ADCYAP1R1: variants seen among roughly 807,000 people sequenced by gnomAD.
ADCYAP1R1 encodes the protein ADCYAP receptor type I, also known as pituitary adenylate cyclase-activating polypeptide type I receptor.
ADCYAP1R1 carries 44 observed loss-of-function variants against 67.6 expected under a neutral mutation model. The ratio of observed to expected loss-of-function variants is 0.65; its 90% CI spans 0.51 to 0.84. The LOEUF (loss-of-function observed/expected upper bound fraction) is 0.84. Among genes scored for constraint, ADCYAP1R1 ranks in the 40% least tolerant of loss-of-function variants. The probability of loss-of-function intolerance (pLI) is 0.00; values close to 1 mark genes in which losing one functional copy is unlikely to be tolerated. For missense variants in ADCYAP1R1, 477 were observed against 587.9 expected (o/e 0.81, Z 1.95); for synonymous variants, 222 against 219.6 (o/e 1.01, Z -0.10).
At chr7:31,082,174 G>A (rs1358091547) in intron 6 of ADCYAP1R1, among the ~76,000 whole-genome samples, 4 of 152,152 alleles carry the variant, frequency 2.6e-5, no homozygotes, top group African/African-American at 4.8e-5. Context: ...TGCTTGTCTC[G>A]CCAGTCTCCC....
chr7:31,064,989 T>A (rs1794676449), intron 3 of ADCYAP1R1, 53 bp downstream of exon 3: 1 of 1,393,430 alleles, frequency 7.2e-7, no homozygotes, highest in African/African-American at 1.4e-5. Context: ...CTTTTAGAAC[T>A]GTTTTCCTGT....
intron 13 of ADCYAP1R1, 101 bp downstream of exon 13, chr7:31,092,836 A>T: frequency 1.3e-6 from 1 of 774,454 alleles, no homozygotes. Context: ...TGATAGGGTG[A>T]CCTAGCATCA....
intron 13 of ADCYAP1R1, chr7:31,100,306 C>A: frequency 3.3e-6 from 4 of 1,226,626 alleles, no homozygotes; most frequent in Non-Finnish European, 4.6e-6. Context: ...GAGAGCCAGC[C>A]TCTGCCTCCC....
chr7:31,079,409 G>A (rs1467425423), intron 4 of ADCYAP1R1, among the ~76,000 whole-genome samples: 1 of 152,188 alleles, frequency 6.6e-6, no homozygotes, highest in Non-Finnish European at 1.5e-5. Flanking sequence ...GGTATCAGAG[G>A]GATCTGAGTT....
In ADCYAP1R1 at chr7:31,106,360, C is replaced by A. The variant is rs530433893; in HGVS notation, c.1219-136C>A. 29 of 1,088,960 alleles carry A rather than the reference C, an allele frequency of 2.7e-5. No individual in the cohort carries two copies. In the Admixed American group the frequency reaches 8.3e-4, roughly 31 times the overall value. The allele number at this position is 1,088,960 out of a possible 1,614,324, so 67.5% of individuals were successfully genotyped here. The stretch of plus-strand genomic sequence containing the variant: ...AGCCCCCACTGGAGACCTTGAGGGC[C>A]GCAGGCTGCAACTGGGGAGTGGGGA... On this transcript the variant is annotated intron_variant, in intron 15 of 15. Transcript: ENST00000304166.
chr7:31,102,117 A>G lies in ADCYAP1R1; in HGVS notation c.1047-1120A>G, dbSNP rs916526792. Among the ~76,000 whole-genome samples the G allele has an allele frequency of 1.3e-5, 2 of 152,228 alleles. No individual in the cohort carries two copies. Among genetic ancestry groups the G allele is most frequent in the African/African-American group, 4.8e-5 (2 of 41,460 alleles). ...CTGGAGCTCCCATGTTCAACAGAAC[A>G]TTCTCTCCCAGAAAGGCTGAATGCG... On this transcript the variant is annotated intron_variant, in intron 13 of 15. Coordinates refer to ENST00000304166, the MANE Select transcript of ADCYAP1R1 (RefSeq NM_001118.5). The surrounding 1 kb of genome is among the most constrained non-coding windows in gnomAD (Gnocchi z 4.3).
rs891860009 is a variant in ADCYAP1R1 at position 31,080,772 on chromosome 7, C to T, written c.286+139C>T. The T allele has an allele frequency of 1.9e-4, 166 of 852,704 alleles. No homozygotes were observed. The Middle Eastern group carries it at 4.1e-3, about 21-fold the overall frequency. The allele number at this position is 852,704 out of a possible 1,614,324, so 52.8% of individuals were successfully genotyped here. ...AGGCTCACTGGGTATCAGGTTCTTTCCTCCTTCCTTCCTCCCCTCTCCCCG... is the reference window on the plus strand; with the variant it reads ...AGGCTCACTGGGTATCAGGTTCTTTTCTCCTTCCTTCCTCCCCTCTCCCCG... On this transcript the variant is annotated intron_variant, in intron 5 of 15. Transcript: ENST00000304166.
intron 13 of ADCYAP1R1, among the ~76,000 whole-genome samples, chr7:31,100,480 G>T (rs368871970): frequency 9.9e-5 from 15 of 152,146 alleles, no homozygotes; most frequent in African/African-American, 3.6e-4. Context: ...TGCTGCTGCT[G>T]CCTGGTGTGT....
chr7:31,053,512 G>T (rs1382082438), intron 1 of ADCYAP1R1, among the ~76,000 whole-genome samples: 1 of 152,196 alleles, frequency 6.6e-6, no homozygotes, highest in Non-Finnish European at 1.5e-5. Context: ...GCCGATGGAT[G>T]CAACTAGACC....
chr7:31,069,676 G>A (rs1419473638), intron 3 of ADCYAP1R1, among the ~76,000 whole-genome samples: 1 of 152,076 alleles, frequency 6.6e-6, no homozygotes, highest in Non-Finnish European at 1.5e-5. Context: ...ACTGGTCCTG[G>A]GACCTCTACC....
At chr7:31,072,636 C>T (rs1795037952) in intron 3 of ADCYAP1R1, among the ~76,000 whole-genome samples, 1 of 152,210 alleles carries the variant, frequency 6.6e-6, no homozygotes, top group African/African-American at 2.4e-5. Context: ...ATGATCTTCC[C>T]CACACAACCA....
chr7:31,065,920 A>T (rs1048578129), intron 3 of ADCYAP1R1, among the ~76,000 whole-genome samples: 3 of 152,230 alleles, frequency 2.0e-5, no homozygotes, highest in African/African-American at 7.2e-5. Context: ...GAATGGTCCC[A>T]CTGGACGGAG....
At chr7:31,064,754 C>T in intron 2 of ADCYAP1R1, 77 bp from the exon 3 acceptor site, 2 of 1,191,052 alleles carry the variant, frequency 1.7e-6, no homozygotes, top group East Asian at 2.5e-5. Context: ...CAAGACACTG[C>T]CCCTGGGGCT....
At chr7:31,068,699 G>T (rs982488347) in intron 3 of ADCYAP1R1, among the ~76,000 whole-genome samples, 6 of 152,184 alleles carry the variant, frequency 3.9e-5, no homozygotes, top group African/African-American at 1.2e-4. Context: ...GTGAGGGGAG[G>T]CCCCTGGGGA....
chr7:31,090,320 T>A (rs1795913923), intron 12 of ADCYAP1R1, among the ~76,000 whole-genome samples: 1 of 152,218 alleles, frequency 6.6e-6, no homozygotes, highest in Admixed American at 6.5e-5. Flanking sequence ...ATTCCTAAAT[T>A]TGTTTAATTA....
intron 4 of ADCYAP1R1, among the ~76,000 whole-genome samples, chr7:31,078,968 G>A (rs1333165983): frequency 6.6e-6 from 1 of 152,200 alleles, no homozygotes; most frequent in South Asian, 2.1e-4. Flanking sequence ...GGCCACTGAA[G>A]TGCTGTGGAG....
chr7:31,080,673 G>C, intron 5 of ADCYAP1R1, 40 bp downstream of exon 5: 1 of 1,610,322 alleles, frequency 6.2e-7, no homozygotes, highest in Non-Finnish European at 8.5e-7. Context: ...CTGTCTTTCT[G>C]TCCATCCAGC....
chr7:31,096,834 C>T (rs185362344), intron 13 of ADCYAP1R1, among the ~76,000 whole-genome samples: 1,093 of 60,536 alleles, frequency 0.018, 13 homozygotes, highest in African/African-American at 0.05. Context: ...GCTCAGTCCA[C>T]CACATTCTGT....
chr7:31,109,876 C>T lies in ADCYAP1R1; in HGVS notation c.*3192C>T, dbSNP rs1276533385. The T allele has an allele frequency of 6.6e-6, 1 of 152,216 alleles. No homozygotes were observed. The highest frequency in any genetic ancestry group is 2.4e-5 in the African/African-American group (1 of 41,384). The allele number at this position is 152,216 out of a possible 1,614,324, so 9.4% of individuals were successfully genotyped here. ...GCACTGCAGACTTCATGACTCCCCA[C>T]TTAAGTCCAAGTCACATTGTCTATC... On this transcript the variant is annotated 3_prime_UTR_variant, in exon 16 of 16. Transcript: ENST00000304166.
Sources: allele counts gnomAD v4.1 joint callset (sites outside exome capture counted in the v4.1 genomes callset), GRCh38; gene constraint gnomAD v4.1.1; non-coding constraint Gnocchi (gnomAD v3.1); transcripts MANE v1.5; gene names NCBI Gene and HGNC (gene_info 2026-07-23, HGNC 2026-07-21).